DISP1: variants seen among roughly 807,000 people sequenced by gnomAD.
DISP1 encodes the protein protein dispatched homolog 1.
DISP1 carries 30 observed loss-of-function variants against 37.3 expected under a neutral mutation model. The observed-to-expected ratio is 0.80, with a 90% CI of 0.60 to 1.09. The LOEUF (loss-of-function observed/expected upper bound fraction) is 1.09. DISP1 is among the 50% of genes least tolerant of loss of function. The pLI, the probability that DISP1 is intolerant of heterozygous loss-of-function variation, is 0.00. For missense variants in DISP1, 1,598 were observed against 1,879.5 expected, an observed-to-expected ratio of 0.85 and a Z score of 2.77; for synonymous variants, 634 against 690.2, an observed-to-expected ratio of 0.92 and a Z score of 1.28.
At chr1:222,869,190 G>A (rs1210888859) in intron 1 of DISP1, among the ~76,000 whole-genome samples, 2 of 152,030 alleles carry the variant, frequency 1.3e-5, no homozygotes, top group Admixed American at 1.3e-4. Context: ...CAACATTAGG[G>A]ATGTCCATGG....
chr1:223,005,087 T>C lies in DISP1; in HGVS notation c.3690T>C (p.Pro1230=). The part of the protein sequence containing the change: ...FNSQAKNLGM[P]VHAAYNSELS... ...GCCAAGCAAAGAATTTAGGGATGCC[T>C]GTGCATGCAGCTTACAACAGTGAAC... Residue 1230 remains proline (P), a synonymous_variant, in exon 9 of 9, where the codon CCT becomes CCC. Transcript: ENST00000675850. 6.2e-7 allele frequency: 1 copy of C among 1,614,232 alleles called. No homozygotes were observed. The highest frequency in any genetic ancestry group is 8.5e-7 in the Non-Finnish European group (1 of 1,180,040).
chr1:222,925,599 C>T (rs1042476269), intron 1 of DISP1, among the ~76,000 whole-genome samples: 7 of 152,114 alleles, frequency 4.6e-5, no homozygotes, highest in African/African-American at 1.7e-4. Context: ...TTTTCCCTGT[C>T]CTTTTCCTTC....
chr1:223,005,497 A>G lies in DISP1; in HGVS notation c.4100A>G (p.Glu1367Gly). Residue 1367 changes from glutamate to glycine, a missense_variant, in exon 9 of 9, where the codon GAA becomes GGA. Transcript: ENST00000675850. ...LHPVQHIQAQEKIGKTNVHSL... is the reference protein window; with the variant it reads ...LHPVQHIQAQGKIGKTNVHSL... ...CCAGTGCAGCACATTCAGGCCCAAG[A>G]AAAAATTGGCAAGACCAATGTACAC... The G allele has an allele frequency of 6.2e-7, 1 of 1,614,052 alleles. No homozygotes were observed. Among genetic ancestry groups the G allele is most frequent in the Non-Finnish European group, 8.5e-7 (1 of 1,180,024 alleles).
intron 1 of DISP1, among the ~76,000 whole-genome samples, chr1:222,850,256 C>G (rs1001428439): frequency 2.0e-5 from 3 of 152,052 alleles, no homozygotes; most frequent in Non-Finnish European, 4.4e-5. Context: ...TTTTGCTAAC[C>G]CTCTTGATTA....
intron 1 of DISP1, among the ~76,000 whole-genome samples, chr1:222,895,418 G>A (rs1671195451): frequency 6.6e-6 from 1 of 152,046 alleles, no homozygotes; most frequent in Non-Finnish European, 1.5e-5. Context: ...ATTGTTTTAA[G>A]AATAACTGAT....
At chr1:222,973,512 T>C (rs954197975) in intron 3 of DISP1, among the ~76,000 whole-genome samples, 1 of 152,214 alleles carries the variant, frequency 6.6e-6, no homozygotes, top group African/African-American at 2.4e-5. Flanking sequence ...TATATGAATG[T>C]GTACTCACAT....
intron 1 of DISP1, among the ~76,000 whole-genome samples, chr1:222,923,670 G>A (rs936063042): frequency 2.0e-5 from 3 of 152,146 alleles, no homozygotes; most frequent in African/African-American, 7.2e-5. Context: ...AGCCATGCTT[G>A]TGGAGATTTC....
intron 2 of DISP1, among the ~76,000 whole-genome samples, chr1:222,938,644 G>A (rs1050417775): frequency 6.7e-6 from 1 of 150,028 alleles, no homozygotes; most frequent in Non-Finnish European, 1.5e-5. Flanking sequence ...GAGGCAGGAG[G>A]ATTGCTTGGG....
intron 1 of DISP1, among the ~76,000 whole-genome samples, chr1:222,917,258 G>A (rs568511226): frequency 6.6e-6 from 1 of 152,104 alleles, no homozygotes; most frequent in East Asian, 1.9e-4. Flanking sequence ...ATTCAGTCCT[G>A]TGGTAACCGT....
chr1:222,825,852 C>G (rs766436179), intron 1 of DISP1, among the ~76,000 whole-genome samples: 2 of 152,162 alleles, frequency 1.3e-5, no homozygotes, highest in Admixed American at 6.5e-5. Flanking sequence ...CTCCTCACCC[C>G]CTCAGCAGTT....
intron 1 of DISP1, among the ~76,000 whole-genome samples, chr1:222,858,459 C>A (rs1668677356): frequency 6.6e-6 from 1 of 151,952 alleles, no homozygotes; most frequent in Non-Finnish European, 1.5e-5. Context: ...GTAATTGCAA[C>A]AAAAGCAAAA....
intron 3 of DISP1, among the ~76,000 whole-genome samples, chr1:222,957,110 T>A: frequency 6.7e-6 from 1 of 148,326 alleles, no homozygotes; most frequent in African/African-American, 2.5e-5. Flanking sequence ...CCTTTTCAGA[T>A]TTCTAATTGC....
chr1:222,994,549 G>T (rs1558076082), intron 7 of DISP1, among the ~76,000 whole-genome samples: 1 of 152,148 alleles, frequency 6.6e-6, no homozygotes, highest in African/African-American at 2.4e-5. Context: ...GTGATGTGTT[G>T]TGAAATTAAG....
At chr1:222,887,486 G>GTTTTTTTTTTTTTTT (rs940346379) in intron 1 of DISP1, among the ~76,000 whole-genome samples, 13 of 83,112 alleles carry the variant, frequency 1.6e-4, no homozygotes, top group African/African-American at 3.4e-4. Flanking sequence ...CATTGTTTTT[G>GTTTTTTTTTTTTTTT]TTTTTTTTTT....
intron 3 of DISP1, among the ~76,000 whole-genome samples, chr1:222,961,080 A>G (rs1676023610): frequency 6.6e-6 from 1 of 152,110 alleles, no homozygotes; most frequent in South Asian, 2.1e-4. Flanking sequence ...ACTATTCCAA[A>G]CAACAGAAAA....
chr1:222,940,046 A>G (rs926715634), intron 2 of DISP1, among the ~76,000 whole-genome samples: 2 of 151,968 alleles, frequency 1.3e-5, no homozygotes, highest in Non-Finnish European at 2.9e-5. Context: ...GAATGGCATG[A>G]ACCTGGGAGG....
intron 4 of DISP1, among the ~76,000 whole-genome samples, chr1:222,987,996 A>T (rs890151865): frequency 2.0e-5 from 3 of 152,216 alleles, no homozygotes; most frequent in African/African-American, 7.2e-5. Context: ...GGAGGAGGAA[A>T]TAAAGTAAGG....
At chr1:222,866,862 C>T (rs1010158766) in intron 1 of DISP1, among the ~76,000 whole-genome samples, 56 of 151,926 alleles carry the variant, frequency 3.7e-4, no homozygotes, top group African/African-American at 1.3e-3. Flanking sequence ...AAGAATGCAG[C>T]GGAATACTTG....
At chr1:222,919,589 C>G (rs1357789426) in intron 1 of DISP1, among the ~76,000 whole-genome samples, 2 of 152,224 alleles carry the variant, frequency 1.3e-5, no homozygotes, top group Admixed American at 6.5e-5. Context: ...GTCTGTCCCC[C>G]TTCGTTCAGT....
Sources: allele counts gnomAD v4.1 joint callset (sites outside exome capture counted in the v4.1 genomes callset), GRCh38; gene constraint gnomAD v4.1.1; transcripts MANE v1.5; gene names NCBI Gene and HGNC (gene_info 2026-07-23, HGNC 2026-07-21).